CPAMD8: variants seen among roughly 807,000 people sequenced by gnomAD.
CPAMD8 encodes the protein C3 and PZP like alpha-2-macroglobulin domain containing 8.
CPAMD8 carries 146 observed loss-of-function variants against 224.7 expected under a neutral mutation model. That is an observed-to-expected ratio of 0.65 (90% CI 0.57 to 0.75). CPAMD8 has a LOEUF of 0.75. Ranked by LOEUF, CPAMD8 falls within the 30% of genes least tolerant of loss-of-function variation. CPAMD8 has a pLI of 0.00. For synonymous variants in CPAMD8, 966 were observed against 1,044.6 expected (o/e 0.92, Z 1.45); for missense variants, 2,301 against 2,537.5 (o/e 0.91, Z 2.00).
chr19:17,000,385 AG>A (rs760629518), intron 10 of CPAMD8, 28 bp downstream of exon 10: 9 of 852,638 alleles, frequency 1.1e-5, no homozygotes, highest in African/African-American at 1.7e-5. Flanking sequence ...GGGTTGGGTC[AG>A]GGGGTAGAAG....
intron 41 of CPAMD8, chr19:16,894,789 C>T (rs903161564): frequency 3.7e-6 from 1 of 267,472 alleles, no homozygotes; most frequent in African/African-American, 2.2e-5. Flanking sequence ...CGCCTGTAAT[C>T]CCAAAGCTTT....
chr19:16,980,489 C>T lies in CPAMD8; in HGVS notation c.1585+8G>A, dbSNP rs746804107. 1.6e-5 allele frequency: 25 copies of T among 1,610,984 alleles called. No individual in the cohort carries two copies. Among genetic ancestry groups the T allele is most frequent in the South Asian group, 2.2e-5 (2 of 90,812 alleles). ...GAACAGGAACCTTCTCCCTGCTGCC[C>T]GGCTCACCTGTCTCAGAAAGGTGTG... On this transcript the variant is annotated splice_region_variant and intron_variant, in intron 14 of 41. Coordinates refer to ENST00000443236, the MANE Select transcript of CPAMD8 (RefSeq NM_015692.5).
intron 3 of CPAMD8, among the ~76,000 whole-genome samples, chr19:17,016,744 A>G (rs1298348912): frequency 1.3e-5 from 2 of 152,138 alleles, no homozygotes; most frequent in Non-Finnish European, 2.9e-5. Context: ...TGGGCGACAG[A>G]GCAAGACTCT....
chr19:16,919,685 C>A lies in CPAMD8; in HGVS notation c.3629+2220G>T, dbSNP rs139643394. 3.2e-4 allele frequency among the ~76,000 whole-genome samples: 49 copies of A among 152,358 alleles called. 1 individual carries two copies. In the East Asian group the frequency reaches 9.1e-3, roughly 28 times the overall value. ...CATCTCTCACAGGGTCTTTCTCCTG[C>A]ACTGGGCAGCGAGGACCTGGAGGTA... On this transcript the variant is annotated intron_variant, in intron 27 of 41. Coordinates refer to ENST00000443236, the MANE Select transcript of CPAMD8 (RefSeq NM_015692.5).
intron 29 of CPAMD8, among the ~76,000 whole-genome samples, chr19:16,911,273 C>T (rs545902116): frequency 6.6e-6 from 1 of 152,296 alleles, no homozygotes; most frequent in East Asian, 1.9e-4. Context: ...CCCATCGGAC[C>T]ATCAGCAGCA....
chr19:16,915,550 G>T (rs1201946301), intron 27 of CPAMD8, among the ~76,000 whole-genome samples: 1 of 152,208 alleles, frequency 6.6e-6, no homozygotes, highest in African/African-American at 2.4e-5. Context: ...TATGTGGCCT[G>T]TCCCTCATCC....
rs1357414764 is a variant in CPAMD8 at position 16,896,493 on chromosome 19, C to T, written c.5238G>A (p.Ala1746=). The T allele has an allele frequency of 1.1e-5, 16 of 1,428,928 alleles. No homozygotes were observed. Among genetic ancestry groups the T allele is most frequent in the East Asian group, 2.6e-5 (1 of 37,844 alleles). 88.5% of individuals were successfully genotyped at this position (1,428,928 alleles called of 1,614,324 possible). The change falls in exon 40 of 42, where the codon GCG becomes GCA. Residue 1746 remains alanine (A), a synonymous_variant. Transcript: ENST00000443236. ...AGCTGGGAGGCGCGGGCTCCAGGGG[C>T]GCGGCCTGGCGGCAGGCGGCCTCCC... ...RLREAACRQA[A]PLEPAPPSCC...
chr19:16,976,421 A>T (rs551642506), intron 15 of CPAMD8, among the ~76,000 whole-genome samples: 1 of 152,100 alleles, frequency 6.6e-6, no homozygotes, highest in African/African-American at 2.4e-5. Context: ...GGTTGCAGGG[A>T]GCTGAGAGAG....
At chr19:17,003,579 T>C (rs992938724) in intron 8 of CPAMD8, among the ~76,000 whole-genome samples, 2 of 151,322 alleles carry the variant, frequency 1.3e-5, no homozygotes, top group Non-Finnish European at 2.9e-5. Flanking sequence ...CCAGGAGTTC[T>C]AGACCAGCCT....
intron 10 of CPAMD8, among the ~76,000 whole-genome samples, chr19:16,998,657 C>T (rs1172512312): frequency 6.6e-6 from 1 of 152,074 alleles, no homozygotes; most frequent in African/African-American, 2.4e-5. Context: ...AGGTGGGTGT[C>T]TGTTGTACTG....
chr19:16,961,679 C>G (rs1050594996), intron 18 of CPAMD8, among the ~76,000 whole-genome samples: 1 of 152,210 alleles, frequency 6.6e-6, no homozygotes, highest in Non-Finnish European at 1.5e-5. Flanking sequence ...CCCAGCATGG[C>G]GTTTCAGCTC....
rs1302093387 is a variant in CPAMD8 at position 16,898,655 on chromosome 19, C to T, written c.4849-661G>A. Reference sequence around the variant, plus strand: ...GCAACCACAAATCTTTCCAACTCTACGGATTTGCCTGTTCTGGGCATTTCA... The same window carrying T: ...GCAACCACAAATCTTTCCAACTCTATGGATTTGCCTGTTCTGGGCATTTCA... On this transcript the variant is annotated intron_variant, in intron 37 of 41. Transcript: ENST00000443236. The surrounding 1 kb of genome is among the most constrained non-coding windows in gnomAD (Gnocchi z 4.2). 6.6e-6 allele frequency among the ~76,000 whole-genome samples: 1 copy of T among 152,146 alleles called. No homozygotes were observed. Among genetic ancestry groups the T allele is most frequent in the East Asian group, 1.9e-4 (1 of 5,196 alleles).
intron 7 of CPAMD8, among the ~76,000 whole-genome samples, chr19:17,004,856 G>GC (rs1164141202): frequency 1.3e-5 from 2 of 151,892 alleles, no homozygotes; most frequent in Non-Finnish European, 2.9e-5. Context: ...TAGTACCAAT[G>GC]CCCCCCACAA....
In CPAMD8 at chr19:16,904,978, C is replaced by T. The variant is rs562645534; in HGVS notation, c.4028-426G>A. Among the ~76,000 whole-genome samples, 21 of 152,306 alleles carry T rather than the reference C, an allele frequency of 1.4e-4. No individual in the cohort carries two copies. In the South Asian group the frequency reaches 1.9e-3, roughly 14 times the overall value. ...GATTCTGGCCAGGCACAGTGGCTCA[C>T]GCCTGTAATCCGAGCACTTTGGGAG... On this transcript the variant is annotated intron_variant, in intron 30 of 41. Coordinates refer to ENST00000443236, the MANE Select transcript of CPAMD8 (RefSeq NM_015692.5).
intron 10 of CPAMD8, among the ~76,000 whole-genome samples, chr19:16,997,621 C>T (rs1264598129): frequency 2.0e-5 from 3 of 151,922 alleles, no homozygotes; most frequent in Non-Finnish European, 2.9e-5. Flanking sequence ...GAGGCTGTGG[C>T]GGGCGGGTCA....
chr19:17,006,673 T>A (rs2056501393), intron 7 of CPAMD8, among the ~76,000 whole-genome samples: 1 of 152,088 alleles, frequency 6.6e-6, no homozygotes, highest in Non-Finnish European at 1.5e-5. Flanking sequence ...CCACAGCCCT[T>A]CCCATAAGTT....
chr19:17,009,107 A>AT, intron 6 of CPAMD8, 196 bp downstream of exon 6: 1 of 735,254 alleles, frequency 1.4e-6, no homozygotes. Context: ...AAAAAAAAAA[A>AT]GGAAACGGAC....
intron 29 of CPAMD8, among the ~76,000 whole-genome samples, chr19:16,913,294 C>G (rs1279348021): frequency 6.6e-6 from 1 of 152,032 alleles, no homozygotes; most frequent in African/African-American, 2.4e-5. Context: ...AGCTCTAACT[C>G]CTAATATGAT....
chr19:16,945,787 G>A, intron 21 of CPAMD8, 108 bp from the exon 22 acceptor site: 1 of 947,366 alleles, frequency 1.1e-6, no homozygotes, highest in East Asian at 2.4e-5. Context: ...ATGTGTGTGT[G>A]TGTGCATGTG....
Sources: gnomAD v4.1 joint callset for allele counts (sites outside exome capture counted in the v4.1 genomes callset) on GRCh38, gnomAD v4.1.1 for gene constraint, Gnocchi (gnomAD v3.1) non-coding constraint, MANE v1.5 for transcripts, NCBI Gene and HGNC (gene_info 2026-07-23, HGNC 2026-07-21) for gene names.